Variants in MDC1 observed in about 807,000 individuals in gnomAD.
The protein encoded by MDC1 is mediator of DNA damage checkpoint protein 1.
MDC1 carries 81 observed loss-of-function variants against 142.5 expected under a neutral mutation model. That is an observed-to-expected ratio of 0.57 (90% CI 0.47 to 0.68). MDC1 has a LOEUF of 0.68. Among genes scored for constraint, MDC1 ranks in the 30% least tolerant of loss-of-function variants. The pLI is 0.00. For synonymous variants in MDC1, 797 were observed against 968.4 expected, an observed-to-expected ratio of 0.82 and a Z score of 3.29; for missense variants, 2,119 against 2,547.9, an observed-to-expected ratio of 0.83 and a Z score of 3.62.
intron 7 of MDC1, among the ~76,000 whole-genome samples, chr6:30,710,207 G>A (rs1774620435): frequency 6.6e-6 from 1 of 152,032 alleles, no homozygotes; most frequent in South Asian, 2.1e-4. Flanking sequence ...TCCTGCTTCA[G>A]TCTCCCGAGT....
chr6:30,708,535 T>C (rs115682034), intron 7 of MDC1, among the ~76,000 whole-genome samples, 178 bp from the exon 8 acceptor site: 2,909 of 152,246 alleles, frequency 0.019, 40 homozygotes, highest in South Asian at 0.064. Context: ...GTGGTAGTTA[T>C]AACATTTAAC....
rs1344002715 is a variant in MDC1, at chr6:30,703,996, G to A, written c.5187C>T (p.Asn1729=). Residue 1729 remains asparagine, a synonymous_variant, in exon 10 of 15, where the codon AAC becomes AAT. Coordinates refer to ENST00000376406, the MANE Select transcript of MDC1 (RefSeq NM_014641.3). The surrounding 1 kb of genome is among the most constrained non-coding windows in gnomAD (Gnocchi z 4.4). ...CAATGGGAGCTGCGAGGGAGCCAGG[G>A]TTCCCAGCGGCTCTCTGCCTCTTGA... The part of the protein sequence containing the change: ...SCIKRQRAAG[N]PGSLAAPIDH... 1 of 1,614,200 alleles carries A rather than the reference G, an allele frequency of 6.2e-7. No individual in the cohort carries two copies. Among genetic ancestry groups the A allele is most frequent in the Non-Finnish European group, 8.5e-7 (1 of 1,180,034 alleles).
chr6:30,713,595 C>G lies in MDC1; in HGVS notation c.587+53G>C. 5 of 1,545,504 alleles carry G rather than the reference C, an allele frequency of 3.2e-6. No homozygotes were observed. The highest frequency in any genetic ancestry group is 4.5e-6 in the Non-Finnish European group (5 of 1,123,114). On this transcript the variant is annotated intron_variant, in intron 4 of 14. Coordinates refer to ENST00000376406, the MANE Select transcript of MDC1 (RefSeq NM_014641.3). The surrounding 1 kb of genome is among the most constrained non-coding windows in gnomAD (Gnocchi z 4.9). ...CTCTTTTAGAGATTGATCCTCCAGC[C>G]CCTGGTTCTTCCTCATTTTGAAGAC...
Position 30,700,557 on chromosome 6 carries a change from G to C in MDC1, c.6178C>G (p.Leu2060Val), listed in dbSNP as rs188482061. The part of the protein sequence containing the change: ...SIPLRVGLPL[L>V]SPEFLLTGVL... ...CCAGTCAGCAGGAACTCAGGCGAGA[G>C]GAGGGGCAGCCCAACCCGTAGTGGA... The change falls in exon 15 of 15, where the codon CTC (leucine) becomes GTC (valine). Residue 2060 changes from leucine (L) to valine (V), a missense_variant. By Grantham distance (32) the Leu-to-Val change is conservative (BLOSUM62 1). Transcript: ENST00000376406. 1 of 1,612,994 alleles carries C rather than the reference G, an allele frequency of 6.2e-7. No homozygotes were observed. Among genetic ancestry groups the C allele is most frequent in the Non-Finnish European group, 8.5e-7 (1 of 1,180,010 alleles).
At chr6:30,708,928 C>G (rs1318970329) in intron 7 of MDC1, among the ~76,000 whole-genome samples, 2 of 150,012 alleles carry the variant, frequency 1.3e-5, no homozygotes, top group Non-Finnish European at 3.0e-5. Context: ...CCTGAATAGT[C>G]TCTCATCATA....
At chr6:30,701,214 A>G (rs764815539) in intron 14 of MDC1, among the ~76,000 whole-genome samples, 99 of 152,124 alleles carry the variant, frequency 6.5e-4, no homozygotes, top group Non-Finnish European at 1.1e-3. Context: ...CATCCTGGCC[A>G]ACATGGTGAA....
At position 30,713,764 on chromosome 6, in the gene MDC1, T is replaced by G. The variant is rs1211197523; in HGVS notation, c.517+39A>C. 1 of 1,613,740 alleles carries G rather than the reference T, an allele frequency of 6.2e-7. No individual in the cohort carries two copies. Among genetic ancestry groups the G allele is most frequent in the African/African-American group, 1.3e-5 (1 of 75,016 alleles). ...GAGTTGACAATTGTACACTCATTAT[T>G]CCTGTCTCCTCATTCTCCCTGCCAA... On this transcript the variant is annotated intron_variant, in intron 3 of 14. Transcript: ENST00000376406. This position sits in a 1 kb window ranked among gnomAD's most constrained non-coding sequence, Gnocchi z 4.9.
intron 5 of MDC1, 50 bp from the exon 6 acceptor site, chr6:30,711,776 A>T: frequency 1.9e-6 from 3 of 1,589,962 alleles, no homozygotes; most frequent in Non-Finnish European, 2.6e-6. Context: ...CATACCTGAC[A>T]CTAAACTCCT....
Position 30,700,310 on chromosome 6 carries a change from C to A in MDC1, c.*155G>T. 4.1e-6 allele frequency: 3 copies of A among 736,186 alleles called. No individual in the cohort carries two copies. The highest frequency in any genetic ancestry group is 6.1e-6 in the Non-Finnish European group (3 of 490,558). 45.6% of individuals were successfully genotyped at this position (736,186 alleles called of 1,614,324 possible). A position where few individuals can be genotyped will look rare whatever the true frequency, so the allele number is the denominator to read the frequency against. On this transcript the variant is annotated 3_prime_UTR_variant, in exon 15 of 15. Transcript: ENST00000376406. ...AAAAAACAACCTGTGGCTTCCAAATCCCTTATCTTTTCATTTATTCATAAA... is the reference window on the plus strand; with the variant it reads ...AAAAAACAACCTGTGGCTTCCAAATACCTTATCTTTTCATTTATTCATAAA...
chr6:30,715,573 G>A lies in MDC1; in HGVS notation c.-3-395C>T, dbSNP rs1775545240. ...AGGGTGGACTCGAACTCTTGACCTT[G>A]GGTGATCCGCCCACCTTGGCCTCCC... On this transcript the variant is annotated intron_variant, in intron 1 of 14. Transcript: ENST00000376406. This position sits in a 1 kb window ranked among gnomAD's most constrained non-coding sequence, Gnocchi z 4.1. 1.3e-5 allele frequency among the ~76,000 whole-genome samples: 2 copies of A among 152,132 alleles called. No homozygotes were observed. The highest frequency in any genetic ancestry group is 4.1e-4 in the South Asian group (2 of 4,830).
rs780279566 is a variant in MDC1 at position 30,704,885 on chromosome 6, G to A, written c.4298C>T (p.Thr1433Ile). 1 of 1,604,886 alleles carries A rather than the reference G, an allele frequency of 6.2e-7. No individual in the cohort carries two copies. The highest frequency in any genetic ancestry group is 8.5e-7 in the Non-Finnish European group (1 of 1,175,472). ...PVTPEPTSQA[T>I]RGRTNRSSVK... ...AGAGGACCTATTTGTCCTGCCCCTG[G>A]TGGCCTGAGATGTGGGCTCAGGAGT... Residue 1433 changes from threonine (T) to isoleucine (I), a missense_variant, in exon 10 of 15, where the codon ACC (threonine) becomes ATC (isoleucine). Coordinates refer to ENST00000376406, the MANE Select transcript of MDC1 (RefSeq NM_014641.3).
At position 30,710,180 on chromosome 6, in the gene MDC1, C is replaced by T. The variant is rs2394393; in HGVS notation, c.2221+1232G>A. Among the ~76,000 whole-genome samples, 1,035 of 152,082 alleles carry T rather than the reference C, an allele frequency of 6.8e-3. 10 individuals carry two copies. Among genetic ancestry groups the T allele is most frequent in the Admixed American group, 9.7e-3 (148 of 15,256 alleles). On this transcript the variant is annotated intron_variant, in intron 7 of 14. Transcript: ENST00000376406. ...CTTGGCTCACTGCAACCTCTGCCTC[C>T]GGGGTTCAAATGAGTCTCCTGCTTC...
chr6:30,712,703 C>A lies in MDC1; in HGVS notation c.1239G>T (p.Ala413=), dbSNP rs770604504. 1 of 1,613,032 alleles carries A rather than the reference C, an allele frequency of 6.2e-7. No homozygotes were observed. Among genetic ancestry groups the A allele is most frequent in the Non-Finnish European group, 8.5e-7 (1 of 1,180,044 alleles). ...DTDDEEEVSA[A]LTLAHLKESQ... is the part of the protein sequence containing the mutation. ...TCTCTTTCAGATGTGCCAAAGTCAGCGCTGCTGAGACTTCTTCCTCGTCAT... is the reference window on the plus strand; with the variant it reads ...TCTCTTTCAGATGTGCCAAAGTCAGAGCTGCTGAGACTTCTTCCTCGTCAT... Residue 413 remains alanine, a synonymous_variant, in exon 5 of 15, where the codon GCG becomes GCT. Coordinates refer to ENST00000376406, the MANE Select transcript of MDC1 (RefSeq NM_014641.3). The surrounding 1 kb of genome is among the most constrained non-coding windows in gnomAD (Gnocchi z 4.7).
At chr6:30,708,386 A>C in intron 7 of MDC1, 29 bp from the exon 8 acceptor site, 1 of 1,547,440 alleles carries the variant, frequency 6.5e-7, no homozygotes. Context: ...AGAGAGAGAG[A>C]GGGAGAGGGA....
chr6:30,708,487 A>ACCTGTTCAGATTTATT, intron 7 of MDC1, 130 bp from the exon 8 acceptor site: 1 of 713,754 alleles, frequency 1.4e-6, no homozygotes, highest in Non-Finnish European at 2.3e-6. Flanking sequence ...ATGAATAATA[A>ACCTGTTCAGATTTATT]ATCTGAACAG....
At position 30,704,483 on chromosome 6, in the gene MDC1, G is replaced by C. The variant is rs1458473170; in HGVS notation, c.4700C>G (p.Thr1567Ser). 1 of 1,612,906 alleles carries C rather than the reference G, an allele frequency of 6.2e-7. No individual in the cohort carries two copies. The highest frequency in any genetic ancestry group is 8.5e-7 in the Non-Finnish European group (1 of 1,179,646). The change falls in exon 10 of 15, where the codon ACC (threonine) becomes AGC (serine). Residue 1567 changes from threonine (T) to serine (S), a missense_variant. By Grantham distance (58) the Thr-to-Ser change is moderately conservative. Coordinates refer to ENST00000376406, the MANE Select transcript of MDC1 (RefSeq NM_014641.3). Reference sequence around the variant, plus strand: ...GGCTATAGGGACAATTGATTCAGGGGTCTTGACAGAGGACCTATTTGTCCT... The same window carrying C: ...GGCTATAGGGACAATTGATTCAGGGCTCTTGACAGAGGACCTATTTGTCCT... ...RGRTNRSSVK[T>S]PESIVPIAPE...
Position 30,703,561 on chromosome 6 carries a change from G to A in MDC1, c.5563-24C>T. On this transcript the variant is annotated intron_variant, in intron 10 of 14. Transcript: ENST00000376406. The surrounding 1 kb of genome is among the most constrained non-coding windows in gnomAD (Gnocchi z 4.4). ...TCCTGAGATTGAGAAAAATCTTGGT[G>A]GGAGTTTCAGAGCCCTGAAGTCATT... 1 of 1,612,866 alleles carries A rather than the reference G, an allele frequency of 6.2e-7. No homozygotes were observed. Among genetic ancestry groups the A allele is most frequent in the Non-Finnish European group, 8.5e-7 (1 of 1,180,000 alleles).
chr6:30,704,292 G>A lies in MDC1; in HGVS notation c.4891C>T (p.Pro1631Ser). The change falls in exon 10 of 15, where the codon CCC becomes TCC. Residue 1631 changes from proline to serine, a missense_variant. Physicochemically the swap from Pro to Ser is moderately conservative, Grantham distance 74. Transcript: ENST00000376406. ...PTTSTDQPVT[P>S]KLTSRATRRK... ...CTAGTGGCCCTAGATGTGAGCTTGG[G>A]GGTGACAGGCTGGTCTGTGGAGGTG... 1 of 1,613,648 alleles carries A rather than the reference G, an allele frequency of 6.2e-7. No individual in the cohort carries two copies. Among genetic ancestry groups the A allele is most frequent in the Non-Finnish European group, 8.5e-7 (1 of 1,179,758 alleles).
Position 30,711,357 on chromosome 6 carries a change from G to A in MDC1, c.2221+55C>T, listed in dbSNP as rs1774853404. 3 of 1,486,632 alleles carry A rather than the reference G, an allele frequency of 2.0e-6. No individual in the cohort carries two copies. The Admixed American group carries it at 5.1e-5, about 25-fold the overall frequency. The allele number at this position is 1,486,632 out of a possible 1,614,324, so 92.1% of individuals were successfully genotyped here. ...CTGTAATCCAGCCTGAGTGACAGAG[G>A]AAAAAAAAGAGAATGCAGAATTGGG... On this transcript the variant is annotated intron_variant, in intron 7 of 14. Coordinates refer to ENST00000376406, the MANE Select transcript of MDC1 (RefSeq NM_014641.3).
Sources: allele counts gnomAD v4.1 joint callset (sites outside exome capture counted in the v4.1 genomes callset), GRCh38; gene constraint gnomAD v4.1.1; non-coding constraint Gnocchi (gnomAD v3.1); transcripts MANE v1.5; gene names NCBI Gene and HGNC (gene_info 2026-07-23, HGNC 2026-07-21).